SLC24A2: variants seen among roughly 807,000 people sequenced by gnomAD.
The protein encoded by SLC24A2 is sodium/potassium/calcium exchanger 2.
In SLC24A2, 36 loss-of-function variants were observed where a neutral mutation model predicts 62.0. The ratio of observed to expected loss-of-function variants is 0.58; its 90% CI spans 0.44 to 0.77. The LOEUF is 0.77. Among genes scored for constraint, SLC24A2 ranks in the 30% least tolerant of loss-of-function variants. The pLI, the probability that SLC24A2 is intolerant of heterozygous loss-of-function variation, is 0.00. For synonymous variants in SLC24A2, 358 were observed against 294.0 expected, an observed-to-expected ratio of 1.22 and a Z score of -2.23; for missense variants, 846 against 817.9, an observed-to-expected ratio of 1.03 and a Z score of -0.42.
chr9:19,718,062 C>T (rs574229511), intron 2 of SLC24A2, among the ~76,000 whole-genome samples: 36 of 149,522 alleles, frequency 2.4e-4, no homozygotes, highest in East Asian at 2.4e-3. Context: ...CTGCAACCTC[C>T]GCCTCCCAGG....
At chr9:19,941,898 T>C in the SLC24A2 span, among the ~76,000 whole-genome samples, 5 of 152,170 alleles carry the variant, frequency 3.3e-5, no homozygotes, top group South Asian at 1.0e-3. Context: ...CTTTGTGGCC[T>C]GTGTATGTGC....
the SLC24A2 span, among the ~76,000 whole-genome samples, chr9:20,269,520 G>A: frequency 6.6e-6 from 1 of 152,152 alleles, no homozygotes; most frequent in Non-Finnish European, 1.5e-5. Flanking sequence ...AGTGAAAGGA[G>A]GAGTGTTCTG....
chr9:19,605,283 G>A (rs1225969757), intron 4 of SLC24A2, among the ~76,000 whole-genome samples: 1 of 152,088 alleles, frequency 6.6e-6, no homozygotes, highest in Non-Finnish European at 1.5e-5. Context: ...CAATATATTG[G>A]AAAGATACAT....
At chr9:19,621,111 A>G (rs1587050359) in intron 3 of SLC24A2, among the ~76,000 whole-genome samples, 2 of 152,264 alleles carry the variant, frequency 1.3e-5, no homozygotes, top group African/African-American at 4.8e-5. Context: ...TTTCCAAACT[A>G]TTATCCATAG....
At chr9:20,238,564 G>C in the SLC24A2 span, among the ~76,000 whole-genome samples, 2 of 152,144 alleles carry the variant, frequency 1.3e-5, no homozygotes, top group Non-Finnish European at 2.9e-5. Flanking sequence ...TTTAAATGGG[G>C]CCTGGGGAGC....
intron 2 of SLC24A2, among the ~76,000 whole-genome samples, chr9:19,706,977 T>G (rs1483910695): frequency 2.6e-5 from 4 of 151,784 alleles, no homozygotes; most frequent in Non-Finnish European, 4.4e-5. Context: ...GCTGGTTTTT[T>G]GAAAGGATCA....
At chr9:20,286,234 C>G in the SLC24A2 span, among the ~76,000 whole-genome samples, 3 of 152,328 alleles carry the variant, frequency 2.0e-5, no homozygotes, top group East Asian at 1.9e-4. Flanking sequence ...AAAATCCAAG[C>G]TACCATGGCT....
chr9:20,146,791 T>A, the SLC24A2 span, among the ~76,000 whole-genome samples: 4 of 152,110 alleles, frequency 2.6e-5, no homozygotes. Flanking sequence ...ATACCCTTGA[T>A]CTGAGTTTGT....
the SLC24A2 span, among the ~76,000 whole-genome samples, chr9:19,846,118 G>A: frequency 6.6e-6 from 1 of 152,156 alleles, no homozygotes; most frequent in Non-Finnish European, 1.5e-5. Context: ...AATTGGTCAA[G>A]TGTCAAATTT....
At chr9:19,619,408 G>T (rs1346082918) in intron 4 of SLC24A2, among the ~76,000 whole-genome samples, 176 bp downstream of exon 4, 1 of 152,212 alleles carries the variant, frequency 6.6e-6, no homozygotes, top group Non-Finnish European at 1.5e-5. Context: ...CACTGATGGT[G>T]AACTGAGCTG....
At position 19,788,879 on chromosome 9, in the gene SLC24A2, A is replaced by C. The variant is rs1823259806; in HGVS notation, c.-154+6T>G. The C allele has an allele frequency of 9.1e-6, 9 of 985,278 alleles. No homozygotes were observed. Among genetic ancestry groups the C allele is most frequent in the Non-Finnish European group, 1.1e-5 (9 of 829,916 alleles). The allele number at this position is 985,278 out of a possible 1,614,324, so 61.0% of individuals were successfully genotyped here. A position where few individuals can be genotyped will look rare whatever the true frequency, so the allele number is the denominator to read the frequency against. On this transcript the variant is annotated splice_donor_region_variant and intron_variant, in intron 1 of 10. Transcript: ENST00000341998. ...CGGCAGGCGGGGCGCAGCCGCCCGC[A>C]CTTACCAGGATAAGATGGGAGGACG...
At chr9:20,234,216 C>A in the SLC24A2 span, among the ~76,000 whole-genome samples, 3 of 152,218 alleles carry the variant, frequency 2.0e-5, no homozygotes, top group Admixed American at 6.5e-5. Flanking sequence ...TGGAGTTGCT[C>A]TTCTCGAGGA....
At chr9:19,987,026 GT>G in the SLC24A2 span, among the ~76,000 whole-genome samples, 8 of 152,044 alleles carry the variant, frequency 5.3e-5, no homozygotes, top group African/African-American at 1.9e-4. Context: ...TGACAAAGGA[GT>G]CAAAGAAGCA....
At chr9:20,168,626 G>T in the SLC24A2 span, among the ~76,000 whole-genome samples, 7,720 of 151,952 alleles carry the variant, frequency 0.051, 288 homozygotes, top group Non-Finnish European at 0.075. Flanking sequence ...CGTTATTAGG[G>T]AAATACAAAT....
Position 19,547,136 on chromosome 9 carries a change from A to T in SLC24A2, c.1479+3001T>A, listed in dbSNP as rs1480350560. Among the ~76,000 whole-genome samples, 5 of 152,214 alleles carry T rather than the reference A, an allele frequency of 3.3e-5. No homozygotes were observed. In the East Asian group the frequency reaches 7.7e-4, roughly 23 times the overall value. ...CTGGCCAAGGCCCAGTGTTTGGCAC[A>T]TAATAGGTGCTCAATAAATATTTGT... is the stretch of plus-strand genomic sequence containing the variant. On this transcript the variant is annotated intron_variant, in intron 8 of 10. Transcript: ENST00000341998.
chr9:20,060,483 T>C, the SLC24A2 span, among the ~76,000 whole-genome samples: 3 of 152,110 alleles, frequency 2.0e-5, no homozygotes, highest in African/African-American at 4.8e-5. Context: ...GAATGTAAGA[T>C]TGTCTTAATA....
chr9:20,099,078 A>G, the SLC24A2 span, among the ~76,000 whole-genome samples: 717 of 152,364 alleles, frequency 4.7e-3, 10 homozygotes, highest in African/African-American at 0.016. Context: ...TACATGTAGC[A>G]GCAGACAAAT....
chr9:20,266,880 C>A, the SLC24A2 span, among the ~76,000 whole-genome samples: 1 of 151,944 alleles, frequency 6.6e-6, no homozygotes, highest in African/African-American at 2.4e-5. Flanking sequence ...AAGTTTGAGA[C>A]CCACCTGGTC....
chr9:19,965,559 G>T, the SLC24A2 span, among the ~76,000 whole-genome samples: 1 of 152,156 alleles, frequency 6.6e-6, no homozygotes, highest in Non-Finnish European at 1.5e-5. Context: ...GCTGGCTCGT[G>T]GTATGGCTGT....
Sources: allele counts gnomAD v4.1 joint callset (sites outside exome capture counted in the v4.1 genomes callset), GRCh38; gene constraint gnomAD v4.1.1; transcripts MANE v1.5; gene names NCBI Gene and HGNC (gene_info 2026-07-23, HGNC 2026-07-21).